Variants in DCC observed in about 807,000 individuals in gnomAD.
DCC encodes DCC netrin 1 receptor.
In DCC, 58 loss-of-function variants were observed where a neutral mutation model predicts 172.5. That is an observed-to-expected ratio of 0.34 (90% CI 0.27 to 0.42). The LOEUF is 0.42. DCC is among the 10% of genes least tolerant of loss of function. DCC has a pLI of 1.00. For missense variants in DCC, 1,740 were observed against 1,791.0 expected (o/e 0.97, Z 0.51); for synonymous variants, 709 against 644.5 (o/e 1.10, Z -1.52).
At chr18:53,509,228 T>G (rs2046220837) in intron 27 of DCC, among the ~76,000 whole-genome samples, 2 of 152,242 alleles carry the variant, frequency 1.3e-5, no homozygotes, top group African/African-American at 2.4e-5. Flanking sequence ...AAGAGGTTAT[T>G]TCTCATTGAG....
At chr18:52,819,306 C>CG (rs1568124325) in intron 2 of DCC, among the ~76,000 whole-genome samples, 1 of 152,016 alleles carries the variant, frequency 6.6e-6, no homozygotes, top group East Asian at 1.9e-4. Context: ...TCCGAGCTTG[C>CG]AGGGAAAAAA....
chr18:52,985,704 T>C (rs191226367), intron 5 of DCC, among the ~76,000 whole-genome samples: 3 of 152,252 alleles, frequency 2.0e-5, no homozygotes, highest in Admixed American at 2.0e-4. Context: ...TAGATAGATG[T>C]TGGCATCCTG....
chr18:53,127,446 G>T (rs35458640), intron 7 of DCC, among the ~76,000 whole-genome samples: 1 of 151,762 alleles, frequency 6.6e-6, no homozygotes, highest in African/African-American at 2.4e-5. Context: ...AGATATTGCC[G>T]GTGTTCTCCC....
At chr18:53,281,865 C>T (rs1168992346) in intron 12 of DCC, among the ~76,000 whole-genome samples, 1 of 151,494 alleles carries the variant, frequency 6.6e-6, no homozygotes. Context: ...GATATACATC[C>T]GATTATTACA....
intron 8 of DCC, among the ~76,000 whole-genome samples, chr18:53,168,669 T>C (rs1323899416): frequency 6.6e-6 from 1 of 151,948 alleles, no homozygotes; most frequent in Non-Finnish European, 1.5e-5. Context: ...TGTATACCTA[T>C]GTAACAAACC....
chr18:53,316,078 TG>T (rs2057340531), intron 13 of DCC, among the ~76,000 whole-genome samples: 1 of 152,208 alleles, frequency 6.6e-6, no homozygotes. Flanking sequence ...AGGGTTTTTA[TG>T]GTTTTAGGTC....
At chr18:52,631,075 G>A (rs976152349) in intron 1 of DCC, among the ~76,000 whole-genome samples, 2 of 152,088 alleles carry the variant, frequency 1.3e-5, no homozygotes, top group African/African-American at 2.4e-5. Context: ...GCACCTATTC[G>A]GAGGCCTACT....
chr18:53,446,124 A>AAAAAAAAAC (rs369426007), intron 22 of DCC, among the ~76,000 whole-genome samples: 13,482 of 115,740 alleles, frequency 0.12, 2,800 homozygotes, highest in Non-Finnish European at 0.18. Flanking sequence ...ACAAAAAAAA[A>AAAAAAAAAC]CACTTAAAAA....
At chr18:52,431,196 CA>C (rs1253285498) in intron 1 of DCC, among the ~76,000 whole-genome samples, 1 of 152,032 alleles carries the variant, frequency 6.6e-6, no homozygotes, top group Non-Finnish European at 1.5e-5. Flanking sequence ...AGTTGGGACC[CA>C]GCAAGCTGCA....
intron 1 of DCC, among the ~76,000 whole-genome samples, chr18:52,748,834 T>TA (rs1385693768): frequency 5.9e-5 from 9 of 152,174 alleles, no homozygotes; most frequent in African/African-American, 2.2e-4. Flanking sequence ...CTGGAGTTTT[T>TA]ATAGGCTCAG....
chr18:52,720,957 G>T (rs2036465138), intron 1 of DCC, among the ~76,000 whole-genome samples: 1 of 152,134 alleles, frequency 6.6e-6, no homozygotes, highest in Non-Finnish European at 1.5e-5. Flanking sequence ...GAATCACATT[G>T]TCTTCCCAGC....
intron 12 of DCC, among the ~76,000 whole-genome samples, chr18:53,290,518 G>A (rs368999435): frequency 2.0e-5 from 3 of 151,966 alleles, no homozygotes; most frequent in Non-Finnish European, 4.4e-5. Context: ...ATGGTACATC[G>A]TGTCTTTGAG....
intron 1 of DCC, among the ~76,000 whole-genome samples, chr18:52,487,005 A>G (rs1222120616): frequency 6.6e-6 from 1 of 152,174 alleles, no homozygotes; most frequent in African/African-American, 2.4e-5. Flanking sequence ...TGCAACTAAG[A>G]AAAGATATAA....
At chr18:52,725,613 G>A (rs1277103210) in intron 1 of DCC, among the ~76,000 whole-genome samples, 1 of 152,140 alleles carries the variant, frequency 6.6e-6, no homozygotes, top group Non-Finnish European at 1.5e-5. Context: ...TGGTTTGTGG[G>A]GGAGGTGTTG....
intron 1 of DCC, among the ~76,000 whole-genome samples, chr18:52,652,674 C>T (rs1324256642): frequency 1.4e-5 from 2 of 147,208 alleles, no homozygotes; most frequent in East Asian, 4.2e-4. Flanking sequence ...TAGTGAGCGA[C>T]AGGGAATCAG....
At chr18:52,812,245 AT>A (rs1179302295) in intron 2 of DCC, among the ~76,000 whole-genome samples, 2 of 152,272 alleles carry the variant, frequency 1.3e-5, no homozygotes, top group East Asian at 3.9e-4. Flanking sequence ...TTTGTTTTAT[AT>A]TTTATGTGTG....
intron 1 of DCC, among the ~76,000 whole-genome samples, chr18:52,427,626 G>C (rs1598810173): frequency 2.0e-5 from 3 of 151,894 alleles, no homozygotes; most frequent in Non-Finnish European, 4.4e-5. Context: ...GAAAGATGTT[G>C]GCACTTGTCA....
At chr18:53,461,219 C>T (rs956815387) in intron 24 of DCC, among the ~76,000 whole-genome samples, 1 of 151,728 alleles carries the variant, frequency 6.6e-6, no homozygotes, top group African/African-American at 2.4e-5. Context: ...AATTTTCTCC[C>T]ATTTTGTAGG....
intron 1 of DCC, among the ~76,000 whole-genome samples, chr18:52,346,271 C>G (rs16954731): frequency 0.21 from 31,932 of 152,094 alleles, 3,478 homozygotes; most frequent in Middle Eastern, 0.3. Context: ...TATTATGCAC[C>G]TTTATCATTG....
Sources: gnomAD v4.1 joint callset for allele counts (sites outside exome capture counted in the v4.1 genomes callset) on GRCh38, gnomAD v4.1.1 for gene constraint, MANE v1.5 for transcripts, NCBI Gene and HGNC (gene_info 2026-07-23, HGNC 2026-07-21) for gene names.